The following NRG3 variants were observed in gnomAD, a reference collection of about 807,000 sequenced individuals.
The protein encoded by NRG3 is neuregulin 3, also known as pro-neuregulin-3, membrane-bound isoform.
NRG3 carries 31 observed loss-of-function variants against 66.9 expected under a neutral mutation model. The observed-to-expected ratio is 0.46, with a 90% CI of 0.35 to 0.63. The LOEUF (loss-of-function observed/expected upper bound fraction) is 0.63. Ranked by LOEUF, NRG3 falls within the 20% of genes least tolerant of loss-of-function variation. NRG3 has a pLI of 0.00. For missense variants in NRG3, 910 were observed against 878.9 expected, an observed-to-expected ratio of 1.04 and a Z score of -0.45; for synonymous variants, 393 against 359.4, an observed-to-expected ratio of 1.09 and a Z score of -1.06.
intron 2 of NRG3, among the ~76,000 whole-genome samples, chr10:82,464,565 G>A (rs1412122985): frequency 6.6e-6 from 1 of 152,166 alleles, no homozygotes; most frequent in Non-Finnish European, 1.5e-5. Flanking sequence ...GCCCTGGGGT[G>A]GTCAGCTTGA....
intron 1 of NRG3, among the ~76,000 whole-genome samples, chr10:82,320,971 A>T (rs1246421872): frequency 6.6e-6 from 1 of 152,222 alleles, no homozygotes; most frequent in Non-Finnish European, 1.5e-5. Context: ...TCCATCCAGC[A>T]ATAAAATCCC....
intron 2 of NRG3, among the ~76,000 whole-genome samples, chr10:82,447,418 TA>T (rs2090788929): frequency 6.6e-6 from 1 of 152,034 alleles, no homozygotes; most frequent in African/African-American, 2.4e-5. Context: ...GCCCCATCCC[TA>T]AAAAAATTAA....
At chr10:82,515,810 G>C (rs539621707) in intron 2 of NRG3, among the ~76,000 whole-genome samples, 33 of 152,102 alleles carry the variant, frequency 2.2e-4, no homozygotes, top group South Asian at 6.2e-4. Flanking sequence ...GAAGTTTATA[G>C]TATCCCCATT....
At chr10:82,403,903 A>G (rs1270944132) in intron 2 of NRG3, among the ~76,000 whole-genome samples, 1 of 152,114 alleles carries the variant, frequency 6.6e-6, no homozygotes, top group Admixed American at 6.6e-5. Context: ...CTCAACCTCA[A>G]CAAATTTTTT....
chr10:81,936,974 C>T (rs948663703), intron 1 of NRG3, among the ~76,000 whole-genome samples: 1 of 152,136 alleles, frequency 6.6e-6, no homozygotes, highest in Non-Finnish European at 1.5e-5. Flanking sequence ...AACCTCAGTT[C>T]CCTTTGAAAA....
At chr10:82,504,293 G>C (rs1365571597) in intron 2 of NRG3, among the ~76,000 whole-genome samples, 1 of 152,216 alleles carries the variant, frequency 6.6e-6, no homozygotes, top group Admixed American at 6.5e-5. Context: ...GAATCTTTCA[G>C]ATAAAGCAAT....
At chr10:82,940,277 A>T (rs1848475859) in intron 4 of NRG3, among the ~76,000 whole-genome samples, 1 of 152,136 alleles carries the variant, frequency 6.6e-6, no homozygotes, top group African/African-American at 2.4e-5. Flanking sequence ...TTATCGAGGT[A>T]TTAGCAGACT....
At chr10:82,064,625 A>C (rs1203826055) in intron 1 of NRG3, among the ~76,000 whole-genome samples, 1 of 152,176 alleles carries the variant, frequency 6.6e-6, no homozygotes, top group Non-Finnish European at 1.5e-5. Flanking sequence ...TAATGCATGA[A>C]GATGAGATGG....
intron 1 of NRG3, among the ~76,000 whole-genome samples, chr10:82,343,124 C>T (rs2082771164): frequency 6.6e-6 from 1 of 151,728 alleles, no homozygotes; most frequent in South Asian, 2.1e-4. Flanking sequence ...CTGTAGTAAC[C>T]AAAACAGTAT....
intron 2 of NRG3, among the ~76,000 whole-genome samples, chr10:82,680,318 C>A (rs771279550): frequency 1.3e-5 from 2 of 152,140 alleles, no homozygotes; most frequent in Non-Finnish European, 2.9e-5. Flanking sequence ...AGTCTCTTGA[C>A]TGTGATGAAT....
intron 1 of NRG3, among the ~76,000 whole-genome samples, chr10:81,998,893 T>G (rs1340158265): frequency 1.3e-5 from 2 of 152,152 alleles, no homozygotes; most frequent in Non-Finnish European, 2.9e-5. Context: ...CTTGGCTCAC[T>G]GCAACCTTCG....
At chr10:82,455,632 T>G (rs1159025725) in intron 2 of NRG3, among the ~76,000 whole-genome samples, 1 of 151,018 alleles carries the variant, frequency 6.6e-6, no homozygotes, top group Non-Finnish European at 1.5e-5. Context: ...TTTTTTTTTT[T>G]GAGACGGAGT....
chr10:82,118,463 A>G (rs1256940129), intron 1 of NRG3, among the ~76,000 whole-genome samples: 1 of 152,062 alleles, frequency 6.6e-6, no homozygotes, highest in Non-Finnish European at 1.5e-5. Context: ...AAATGACTGT[A>G]GATGTTTTTC....
At chr10:82,713,541 G>C (rs2056801022) in intron 2 of NRG3, among the ~76,000 whole-genome samples, 1 of 152,202 alleles carries the variant, frequency 6.6e-6, no homozygotes, top group Middle Eastern at 3.4e-3. Context: ...GGAAACTGAG[G>C]GTTTCCCTTA....
chr10:82,673,275 A>G (rs188180401), intron 2 of NRG3, among the ~76,000 whole-genome samples: 1 of 152,338 alleles, frequency 6.6e-6, no homozygotes, highest in East Asian at 1.9e-4. Context: ...GTAAATAATT[A>G]TCTTACTTTT....
At chr10:82,963,198 G>A (rs1216609464) in intron 6 of NRG3, among the ~76,000 whole-genome samples, 2 of 152,050 alleles carry the variant, frequency 1.3e-5, no homozygotes, top group African/African-American at 4.8e-5. Flanking sequence ...TTGGCCTAAA[G>A]GAAAACAAAC....
At chr10:82,572,800 G>T (rs1237055635) in intron 2 of NRG3, among the ~76,000 whole-genome samples, 1 of 151,746 alleles carries the variant, frequency 6.6e-6, no homozygotes, top group Non-Finnish European at 1.5e-5. Context: ...AACAAGTCAA[G>T]GGTGTGAGGA....
intron 2 of NRG3, among the ~76,000 whole-genome samples, chr10:82,367,019 G>A (rs1190006221): frequency 6.6e-6 from 1 of 152,178 alleles, no homozygotes; most frequent in Admixed American, 6.5e-5. Flanking sequence ...ACTCTACCTA[G>A]ACAGTGTCAG....
At chr10:82,105,142 T>C (rs1450297079) in intron 1 of NRG3, among the ~76,000 whole-genome samples, 1 of 152,168 alleles carries the variant, frequency 6.6e-6, no homozygotes, top group Non-Finnish European at 1.5e-5. Context: ...AAATAGAATC[T>C]TTGTTATTAA....
Sources: gnomAD v4.1 joint callset for allele counts (sites outside exome capture counted in the v4.1 genomes callset) on GRCh38, gnomAD v4.1.1 for gene constraint, MANE v1.5 for transcripts, NCBI Gene and HGNC (gene_info 2026-07-23, HGNC 2026-07-21) for gene names.